TEX11: variants seen among roughly 807,000 people sequenced by gnomAD.
TEX11 encodes the protein testis expressed 11.
In TEX11, 7 loss-of-function variants were observed where a neutral mutation model predicts 84.4. The observed-to-expected ratio is 0.08, with a 90% CI of 0.05 to 0.16. The LOEUF is 0.16. Ranked by LOEUF, TEX11 falls within the 10% of genes least tolerant of loss-of-function variation. The probability of loss-of-function intolerance (pLI) is 1.00; values close to 1 mark genes in which losing one functional copy is unlikely to be tolerated. For missense variants in TEX11, 551 were observed against 660.5 expected (o/e 0.83, Z 1.82); for synonymous variants, 264 against 222.8 (o/e 1.18, Z -1.64).
chrX:70,603,936 G>A (rs998171686), intron 24 of TEX11, among the ~76,000 whole-genome samples: 34 of 111,737 alleles, frequency 3.0e-4, no homozygotes, highest in African/African-American at 1.0e-3. Flanking sequence ...ACCACTGTCC[G>A]ATTCATAGGG....
chrX:70,731,913 T>C (rs960890747), intron 11 of TEX11, among the ~76,000 whole-genome samples: 2 of 111,888 alleles, frequency 1.8e-5, no homozygotes, highest in Admixed American at 9.5e-5. Context: ...AATAAAATAC[T>C]GGCAAATTGA....
chrX:70,616,328 T>G, intron 20 of TEX11, among the ~76,000 whole-genome samples: 1 of 112,094 alleles, frequency 8.9e-6, no homozygotes, highest in Non-Finnish European at 1.9e-5. Context: ...ATTTTTCTTT[T>G]GCTTGTTAGT....
At chrX:70,681,284 C>T (rs926924419) in intron 14 of TEX11, among the ~76,000 whole-genome samples, 4 of 112,288 alleles carry the variant, frequency 3.6e-5, no homozygotes, top group Admixed American at 9.4e-5. Context: ...AATGTATCTA[C>T]TTGAAATATT....
chrX:70,863,955 A>C (rs2091584085), intron 4 of TEX11, among the ~76,000 whole-genome samples: 1 of 111,952 alleles, frequency 8.9e-6, no homozygotes, highest in Admixed American at 9.5e-5. Flanking sequence ...CAAATCAATC[A>C]AGCGAAGAAA....
At chrX:70,521,954 G>A in the TEX11 span, among the ~76,000 whole-genome samples, 1 of 110,572 alleles carries the variant, frequency 9.0e-6, no homozygotes, top group Non-Finnish European at 1.9e-5. Flanking sequence ...TGCCTCCCAA[G>A]GTCAAGTGAT....
intron 24 of TEX11, among the ~76,000 whole-genome samples, chrX:70,594,801 C>T (rs929477981): frequency 9.0e-6 from 1 of 111,441 alleles, no homozygotes; most frequent in Non-Finnish European, 1.9e-5. Flanking sequence ...TGGCTTCCCA[C>T]TTCACTCGGC....
At position 70,713,691 on chromosome X, in the gene TEX11, T is replaced by C. The variant is rs1380717750; in HGVS notation, c.1004+8927A>G. On this transcript the variant is annotated intron_variant, in intron 13 of 29. Coordinates refer to ENST00000374333, the MANE Select transcript of TEX11 (RefSeq NM_031276.3). Reference sequence around the variant, plus strand: ...TTTGATTCTTCTCTCTTTTCTTCTTTATTAGTCTTGCTAGCGGTCTATCAA... The same window carrying C: ...TTTGATTCTTCTCTCTTTTCTTCTTCATTAGTCTTGCTAGCGGTCTATCAA... 2.7e-5 allele frequency among the ~76,000 whole-genome samples: 3 copies of C among 111,485 alleles called. No individual in the cohort carries two copies. The East Asian group carries it at 8.4e-4, about 31-fold the overall frequency.
Position 70,752,985 on chromosome X carries a change from G to A in TEX11, c.693-8766C>T, listed in dbSNP as rs146221196. 5.0e-3 allele frequency among the ~76,000 whole-genome samples: 554 copies of A among 110,204 alleles called. 16 individuals carry two copies. In the South Asian group the frequency reaches 0.15, roughly 31 times the overall value. On this transcript the variant is annotated intron_variant, in intron 9 of 29. Coordinates refer to ENST00000374333, the MANE Select transcript of TEX11 (RefSeq NM_031276.3). ...AAAAGCAGGACCAATCTCAGCTGAC[G>A]CCTGCCCGTGGAGGGGGTGTTTAAA...
chrX:70,526,939 G>GGCA (rs2087828727), downstream of TEX11, among the ~76,000 whole-genome samples: 1 of 111,597 alleles, frequency 9.0e-6, no homozygotes, highest in Admixed American at 9.6e-5. Context: ...CCCAGCTTTG[G>GGCA]GCAGCAAAAT....
intron 25 of TEX11, among the ~76,000 whole-genome samples, chrX:70,583,738 C>T (rs950304926): frequency 2.3e-4 from 26 of 111,472 alleles, no homozygotes; most frequent in African/African-American, 6.8e-4. Context: ...CAAAAAATAA[C>T]GATGTTGGCA....
chrX:70,668,065 T>C (rs1246279373), intron 16 of TEX11, among the ~76,000 whole-genome samples: 1 of 111,727 alleles, frequency 9.0e-6, no homozygotes, highest in African/African-American at 3.3e-5. Flanking sequence ...AGGTGAGAAA[T>C]TGATGAAGTT....
At chrX:70,903,729 A>G in intron 2 of TEX11, among the ~76,000 whole-genome samples, 1 of 110,526 alleles carries the variant, frequency 9.0e-6, no homozygotes, top group East Asian at 3.0e-4. Context: ...GGGGTACAAG[A>G]TAAGTTATCT....
At chrX:70,553,259 A>T (rs1222333272) in intron 27 of TEX11, 47 bp downstream of exon 27, 2 of 888,723 alleles carry the variant, frequency 2.3e-6, no homozygotes, top group Non-Finnish European at 3.2e-6. Context: ...TGAGGCATTG[A>T]CTATAGTTCT....
chrX:70,684,212 C>T (rs1192020161), intron 13 of TEX11, among the ~76,000 whole-genome samples: 1 of 111,962 alleles, frequency 8.9e-6, no homozygotes, highest in East Asian at 2.8e-4. Flanking sequence ...CATACAAAAC[C>T]CAGAAGCGTT....
chrX:70,737,810 G>A (rs1210449704), intron 11 of TEX11, among the ~76,000 whole-genome samples: 3 of 111,026 alleles, frequency 2.7e-5, no homozygotes, highest in Admixed American at 9.7e-5. Flanking sequence ...AACAAGTGCT[G>A]CTGAAGACGT....
chrX:70,677,170 T>C (rs768358452), intron 15 of TEX11, among the ~76,000 whole-genome samples: 2 of 112,249 alleles, frequency 1.8e-5, no homozygotes, highest in Non-Finnish European at 3.8e-5. Context: ...CCTATAAATA[T>C]TCTTGAACTC....
At chrX:70,548,028 A>G (rs1432225294) in intron 28 of TEX11, among the ~76,000 whole-genome samples, 1 of 112,242 alleles carries the variant, frequency 8.9e-6, no homozygotes, top group Non-Finnish European at 1.9e-5. Context: ...CCAAATGTCC[A>G]GCAATGATAG....
intron 26 of TEX11, among the ~76,000 whole-genome samples, chrX:70,553,879 G>A (rs1301132486): frequency 9.0e-6 from 1 of 111,731 alleles, no homozygotes; most frequent in Non-Finnish European, 1.9e-5. Context: ...AAGACTTCCA[G>A]ATGCATTTAA....
At chrX:70,661,614 G>A (rs972821793) in intron 16 of TEX11, among the ~76,000 whole-genome samples, 1 of 111,801 alleles carries the variant, frequency 8.9e-6, no homozygotes, top group Admixed American at 9.4e-5. Flanking sequence ...GCCTAACTGG[G>A]AGGCACCCCC....
Sources: gnomAD v4.1 joint callset for allele counts (sites outside exome capture counted in the v4.1 genomes callset) on GRCh38, gnomAD v4.1.1 for gene constraint, MANE v1.5 for transcripts, NCBI Gene and HGNC (gene_info 2026-07-23, HGNC 2026-07-21) for gene names.